Variants in GALM observed in about 807,000 individuals in gnomAD.
GALM encodes the protein galactose mutarotase.
A neutral mutation model predicts 37.4 loss-of-function variants in GALM; 43 were observed. The observed-to-expected ratio is 1.15, with a 90% CI of 0.90 to 1.48. The LOEUF (loss-of-function observed/expected upper bound fraction) is 1.48. GALM is among the 40% of genes most tolerant of loss of function. The pLI is 0.00. For synonymous variants in GALM, 199 were observed against 170.6 expected, an observed-to-expected ratio of 1.17 and a Z score of -1.30; for missense variants, 456 against 419.1, an observed-to-expected ratio of 1.09 and a Z score of -0.77.
At chr2:38,706,411 A>C (rs1308102359) in intron 4 of GALM, among the ~76,000 whole-genome samples, 1 of 149,406 alleles carries the variant, frequency 6.7e-6, no homozygotes, top group African/African-American at 2.5e-5. Flanking sequence ...GTGGTGGCTC[A>C]CACCTGTAAT....
At chr2:38,732,831 G>A (rs1666633130) in intron 6 of GALM, among the ~76,000 whole-genome samples, 1 of 151,112 alleles carries the variant, frequency 6.6e-6, no homozygotes, top group Non-Finnish European at 1.5e-5. Context: ...GAGGTGGGAG[G>A]ATCCCTGAGC....
chr2:38,681,182 C>A (rs1665385199), intron 2 of GALM, 98 bp from the exon 3 acceptor site: 9 of 990,392 alleles, frequency 9.1e-6, no homozygotes, highest in Non-Finnish European at 1.3e-5. Context: ...GATTGTATAA[C>A]CATTTTCCTT....
At chr2:38,696,852 C>T (rs7590813) in intron 4 of GALM, among the ~76,000 whole-genome samples, 12,717 of 137,752 alleles carry the variant, frequency 0.092, 628 homozygotes, top group Middle Eastern at 0.11. Context: ...TGCAGTGGCG[C>T]GATCTCAGCT....
intron 4 of GALM, among the ~76,000 whole-genome samples, chr2:38,693,509 A>T (rs1349733369): frequency 6.6e-6 from 1 of 151,884 alleles, no homozygotes; most frequent in Non-Finnish European, 1.5e-5. Flanking sequence ...AGAGAGAGAG[A>T]AAATAACCTG....
chr2:38,711,827 C>CCACCATCAT (rs1405341609), intron 4 of GALM, among the ~76,000 whole-genome samples: 1 of 127,384 alleles, frequency 7.9e-6, no homozygotes, highest in Non-Finnish European at 1.8e-5. Context: ...ATCACTATCA[C>CCACCATCAT]CACCATCATC....
rs59249528 is a variant in GALM, at chr2:38,681,129, C to CA, written c.346-137dup. On this transcript the variant is annotated intron_variant, in intron 2 of 6. Coordinates refer to ENST00000272252, the MANE Select transcript of GALM (RefSeq NM_138801.3). Reference sequence around the variant, plus strand: ...TGGACAACATAGTGAGACCCTGTCTCAAAAAAAAAAAAAATCCAGGCTATC... The same window carrying CA: ...TGGACAACATAGTGAGACCCTGTCTCAAAAAAAAAAAAAAATCCAGGCTATC... 0.072 allele frequency: 42,497 copies of CA among 591,532 alleles called. 153 individuals are homozygous for CA. The highest frequency in any genetic ancestry group is 0.088 in the Non-Finnish European group (29,786 of 337,120). The allele number at this position is 591,532 out of a possible 1,614,324, so 36.6% of individuals were successfully genotyped here. A position where few individuals can be genotyped will look rare whatever the true frequency, so the allele number is the denominator to read the frequency against.
At chr2:38,697,301 G>A (rs1368470457) in intron 4 of GALM, among the ~76,000 whole-genome samples, 1 of 152,078 alleles carries the variant, frequency 6.6e-6, no homozygotes, top group Non-Finnish European at 1.5e-5. Context: ...AGCTTCTATT[G>A]CTTCATTTGA....
At chr2:38,679,964 A>G (rs1665355539) in intron 2 of GALM, 2 of 439,566 alleles carry the variant, frequency 4.5e-6, no homozygotes, top group Non-Finnish European at 9.1e-6. Context: ...AACAGCCACT[A>G]TGTTAATCCA....
At chr2:38,717,337 G>GTA (rs1399093700) in intron 4 of GALM, among the ~76,000 whole-genome samples, 7 of 150,082 alleles carry the variant, frequency 4.7e-5, no homozygotes, top group Admixed American at 4.6e-4. Flanking sequence ...GTGTGTGTGT[G>GTA]TGTGTGTGTA....
chr2:38,690,788 G>C (rs978387574), intron 4 of GALM, among the ~76,000 whole-genome samples: 1 of 152,112 alleles, frequency 6.6e-6, no homozygotes, highest in African/African-American at 2.4e-5. Flanking sequence ...CTTTTTATGA[G>C]GAAGAAAGGT....
intron 4 of GALM, among the ~76,000 whole-genome samples, chr2:38,723,106 G>A (rs1666416988): frequency 6.6e-6 from 1 of 152,128 alleles, no homozygotes; most frequent in Non-Finnish European, 1.5e-5. Flanking sequence ...TCTGCTTCAT[G>A]CCCAGAGGGT....
chr2:38,674,933 G>A (rs923498739), intron 1 of GALM, among the ~76,000 whole-genome samples: 1 of 152,168 alleles, frequency 6.6e-6, no homozygotes, highest in Non-Finnish European at 1.5e-5. Context: ...CCAGCACTTT[G>A]GGAGGCCGAG....
At chr2:38,683,369 C>T (rs116647675) in intron 3 of GALM, among the ~76,000 whole-genome samples, 2,271 of 152,256 alleles carry the variant, frequency 0.015, 30 homozygotes, top group Middle Eastern at 0.024. Context: ...TTGAATATCC[C>T]TTATCCAAAA....
At chr2:38,682,146 G>A (rs1665412182) in intron 3 of GALM, 2 of 285,890 alleles carry the variant, frequency 7.0e-6, no homozygotes, top group South Asian at 6.1e-5. Context: ...AACCCCAGTG[G>A]GGGACCACTT....
chr2:38,708,277 G>A (rs1185456865), intron 4 of GALM, among the ~76,000 whole-genome samples: 1 of 151,862 alleles, frequency 6.6e-6, no homozygotes, highest in South Asian at 2.1e-4. Context: ...CTCCAGCTGG[G>A]TGACAGAGCA....
intron 1 of GALM, among the ~76,000 whole-genome samples, chr2:38,675,459 G>T (rs186501049): frequency 1.1e-4 from 16 of 151,258 alleles, no homozygotes; most frequent in African/African-American, 3.9e-4. Flanking sequence ...GTTACCATGT[G>T]CAGCATTCGT....
At chr2:38,704,581 C>T (rs1215270561) in intron 4 of GALM, among the ~76,000 whole-genome samples, 1 of 151,490 alleles carries the variant, frequency 6.6e-6, no homozygotes, top group East Asian at 1.9e-4. Flanking sequence ...GAGGCTGAGG[C>T]AGAGGATTGC....
At chr2:38,708,656 G>T (rs1034677670) in intron 4 of GALM, among the ~76,000 whole-genome samples, 2 of 151,258 alleles carry the variant, frequency 1.3e-5, no homozygotes, top group East Asian at 3.9e-4. Context: ...ATGAACCCGG[G>T]TAGGCGGAGC....
intron 3 of GALM, among the ~76,000 whole-genome samples, chr2:38,683,816 T>G (rs1170340113): frequency 6.6e-6 from 1 of 152,106 alleles, no homozygotes; most frequent in Non-Finnish European, 1.5e-5. Context: ...ATCCACCCGC[T>G]TCAGCCTCCC....
Sources: allele counts gnomAD v4.1 joint callset (sites outside exome capture counted in the v4.1 genomes callset), GRCh38; gene constraint gnomAD v4.1.1; transcripts MANE v1.5; gene names NCBI Gene and HGNC (gene_info 2026-07-23, HGNC 2026-07-21).